The following UTP6 variants were observed in gnomAD, a reference collection of about 807,000 sequenced individuals.
UTP6 encodes U3 small nucleolar RNA-associated protein 6 homolog.
Under a neutral mutation model 96.5 loss-of-function variants are expected in UTP6, and 60 were observed. That is an observed-to-expected ratio of 0.62 (90% CI 0.51 to 0.77). The LOEUF (loss-of-function observed/expected upper bound fraction) is 0.77, where lower values mean the gene tolerates loss of function less well. Among genes scored for constraint, UTP6 ranks in the 30% least tolerant of loss-of-function variants. The pLI, the probability that UTP6 is intolerant of heterozygous loss-of-function variation, is 0.00. For missense variants in UTP6, 637 were observed against 706.5 expected (o/e 0.90, Z 1.12); for synonymous variants, 215 against 240.1 (o/e 0.90, Z 0.96).
chr17:31,879,845 C>T (rs765637968), intron 11 of UTP6, among the ~76,000 whole-genome samples: 8 of 151,840 alleles, frequency 5.3e-5, no homozygotes, highest in Admixed American at 3.3e-4. Context: ...GTGGCTCATG[C>T]GTGTAATCCC....
At chr17:31,899,540 C>G (rs1161832246) in intron 2 of UTP6, 106 bp downstream of exon 2, 2 of 721,096 alleles carry the variant, frequency 2.8e-6, no homozygotes, top group African/African-American at 3.7e-5. Context: ...GAGCAGAGAT[C>G]ACACCATTCA....
chr17:31,874,011 CAGCCTTCTGACCA>C, intron 14 of UTP6: 1 of 409,384 alleles, frequency 2.4e-6, no homozygotes, highest in Non-Finnish European at 4.3e-6. Flanking sequence ...AGAACACAGC[CAGCCTTCTGACCA>C]AGTCACTCAG....
chr17:31,867,252 A>C (rs1036518827), intron 17 of UTP6, among the ~76,000 whole-genome samples: 1 of 152,228 alleles, frequency 6.6e-6, no homozygotes, highest in African/African-American at 2.4e-5. Context: ...TCACACCTGT[A>C]ATCCCAGCAC....
intron 13 of UTP6, among the ~76,000 whole-genome samples, chr17:31,876,188 C>A (rs189023073): frequency 6.6e-6 from 1 of 151,876 alleles, no homozygotes; most frequent in Non-Finnish European, 1.5e-5. Flanking sequence ...AGGCGCCCAT[C>A]GCCACGCCTG....
chr17:31,880,831 C>T (rs1910789358), intron 10 of UTP6, 77 bp from the exon 11 acceptor site: 1 of 1,568,718 alleles, frequency 6.4e-7, no homozygotes, highest in South Asian at 1.1e-5. Flanking sequence ...GTTACCTGTG[C>T]TTAAAAAATC....
chr17:31,887,372 C>G, intron 7 of UTP6, 59 bp from the exon 8 acceptor site: 1 of 1,453,316 alleles, frequency 6.9e-7, no homozygotes, highest in Non-Finnish European at 9.6e-7. Flanking sequence ...TTTTTTGAGA[C>G]AGGGTCTTGC....
At chr17:31,900,887 C>A (rs188966131) in intron 1 of UTP6, among the ~76,000 whole-genome samples, 1 of 152,168 alleles carries the variant, frequency 6.6e-6, no homozygotes, top group Admixed American at 6.6e-5. Flanking sequence ...TTCTAAGCGT[C>A]CACACTGCTT....
At chr17:31,889,193 G>T in intron 7 of UTP6, 92 bp downstream of exon 7, 1 of 927,118 alleles carries the variant, frequency 1.1e-6, no homozygotes, top group Non-Finnish European at 1.6e-6. Context: ...AGGCTGAGGC[G>T]TAAGAATTGC....
At chr17:31,900,437 G>A (rs1056091875) in intron 1 of UTP6, among the ~76,000 whole-genome samples, 5 of 151,928 alleles carry the variant, frequency 3.3e-5, no homozygotes, top group African/African-American at 4.8e-5. Context: ...GACTACAGGC[G>A]CTCACCACCA....
intron 6 of UTP6, among the ~76,000 whole-genome samples, chr17:31,890,013 AATT>A (rs139293642): frequency 6.3e-4 from 96 of 152,096 alleles, no homozygotes; most frequent in African/African-American, 2.2e-3. Context: ...AGTCACATAC[AATT>A]TTTTTCTTTT....
intron 2 of UTP6, among the ~76,000 whole-genome samples, chr17:31,896,426 T>G (rs1904646223): frequency 6.6e-6 from 1 of 152,172 alleles, no homozygotes; most frequent in Admixed American, 6.6e-5. Context: ...ATAAGGCTGA[T>G]GTCTTTTCAT....
chr17:31,882,789 T>C (rs1378319365), intron 10 of UTP6, among the ~76,000 whole-genome samples: 1 of 152,112 alleles, frequency 6.6e-6, no homozygotes, highest in East Asian at 1.9e-4. Flanking sequence ...AAAAATATTT[T>C]TTTTTTCTTT....
At chr17:31,885,131 C>G (rs1258421471) in intron 9 of UTP6, 1 of 152,064 alleles carries the variant, frequency 6.6e-6, no homozygotes, top group Non-Finnish European at 1.5e-5. Context: ...TCTCAGACAT[C>G]ACCACTAAAC....
At position 31,901,517 on chromosome 17, in the gene UTP6, C is replaced by G; in HGVS notation, c.92+19G>C. The G allele has an allele frequency of 6.2e-7, 1 of 1,613,048 alleles. No individual in the cohort carries two copies. Among genetic ancestry groups the G allele is most frequent in the Non-Finnish European group, 8.5e-7 (1 of 1,179,348 alleles). The stretch of plus-strand genomic sequence containing the variant: ...CCTCAGGCCGCCTCAGCTCTTCCCT[C>G]TCCCCAACCCTCTCTCACTTAATCT... On this transcript the variant is annotated intron_variant, in intron 1 of 18. Transcript: ENST00000261708.
In UTP6 at chr17:31,868,120, G is replaced by A. The variant is rs762947412; in HGVS notation, c.1497-8C>T. 3 of 1,610,402 alleles carry A rather than the reference G, an allele frequency of 1.9e-6. No homozygotes were observed. The highest frequency in any genetic ancestry group is 2.5e-6 in the Non-Finnish European group (3 of 1,178,202). ...GGTCGGCTCTCCTGTAAACTAAAAA[G>A]GAAGGAGAAAACGTTATCTTCAACA... On this transcript the variant is annotated splice_polypyrimidine_tract_variant and splice_region_variant and intron_variant, in intron 16 of 18. Coordinates refer to ENST00000261708, the MANE Select transcript of UTP6 (RefSeq NM_018428.3).
chr17:31,876,281 C>G (rs2142299443), intron 13 of UTP6, among the ~76,000 whole-genome samples: 1 of 151,618 alleles, frequency 6.6e-6, no homozygotes. Flanking sequence ...AGATGATCCA[C>G]CCACCTCGGC....
rs143443491 is a variant in UTP6, at chr17:31,882,456, G to A, written c.786-1702C>T. Among the ~76,000 whole-genome samples the A allele has an allele frequency of 4.6e-5, 7 of 151,868 alleles. No homozygotes were observed. In the East Asian group the frequency reaches 1.4e-3, roughly 30 times the overall value. ...CTGCCTCAGCCTCCTGAGTAGCTGG[G>A]ATTACAGGTGCATGCCATCACACCA... is the stretch of plus-strand genomic sequence containing the variant. On this transcript the variant is annotated intron_variant, in intron 10 of 18. Coordinates refer to ENST00000261708, the MANE Select transcript of UTP6 (RefSeq NM_018428.3).
chr17:31,892,632 G>T (rs752359890), intron 5 of UTP6, 115 bp downstream of exon 5: 19 of 1,230,012 alleles, frequency 1.5e-5, no homozygotes, highest in East Asian at 2.4e-5. Flanking sequence ...CGCCTTCTTG[G>T]GTTCTTTTTT....
At position 31,863,380 on chromosome 17, in the gene UTP6, C is replaced by T. The variant is rs1380334913; in HGVS notation, c.1773G>A (p.Met591Ile). 5.6e-6 allele frequency: 9 copies of T among 1,613,796 alleles called. No homozygotes were observed. The African/African-American group carries it at 8.0e-5, about 14-fold the overall frequency. Residue 591 changes from methionine to isoleucine, a missense_variant, in exon 19 of 19, where the codon ATG (methionine) becomes ATA (isoleucine). Coordinates refer to ENST00000261708, the MANE Select transcript of UTP6 (RefSeq NM_018428.3). ...ATCTTCATAAATGGCCAGTCTGATGCATAGCATGTTTAGCTACAAATGCCT... is the reference window on the plus strand; with the variant it reads ...ATCTTCATAAATGGCCAGTCTGATGTATAGCATGTTTAGCTACAAATGCCT... ...SAEAFVAKHA[M>I]HQTGHL is the part of the protein sequence containing the mutation.
Sources: allele counts gnomAD v4.1 joint callset (sites outside exome capture counted in the v4.1 genomes callset), GRCh38; gene constraint gnomAD v4.1.1; transcripts MANE v1.5; gene names NCBI Gene and HGNC (gene_info 2026-07-23, HGNC 2026-07-21).